Variants in GAB4 observed in about 807,000 individuals in gnomAD.
The protein encoded by GAB4 is GRB2 associated binding protein family member 4.
A neutral mutation model predicts 51.3 loss-of-function variants in GAB4; 26 were observed. The observed-to-expected ratio is 0.51, with a 90% CI of 0.37 to 0.70. The LOEUF (loss-of-function observed/expected upper bound fraction) is 0.70, where lower values mean the gene tolerates loss of function less well. GAB4 is among the 30% of genes least tolerant of loss of function. The pLI, the probability that GAB4 is intolerant of heterozygous loss-of-function variation, is 0.00. For synonymous variants in GAB4, 329 were observed against 291.2 expected (o/e 1.13, Z -1.32); for missense variants, 759 against 734.6 (o/e 1.03, Z -0.38).
chr22:16,995,536 G>A (rs1267541475), intron 1 of GAB4, among the ~76,000 whole-genome samples: 1 of 152,200 alleles, frequency 6.6e-6, no homozygotes, highest in Non-Finnish European at 1.5e-5. Context: ...CCCAGCAGGG[G>A]TTGACAGACA....
At chr22:17,006,538 T>C (rs1222490934) in intron 1 of GAB4, among the ~76,000 whole-genome samples, 2 of 152,228 alleles carry the variant, frequency 1.3e-5, no homozygotes, top group East Asian at 1.9e-4. Flanking sequence ...ATCATTCTAC[T>C]ATAAAGACAA....
At position 16,970,279 on chromosome 22, in the gene GAB4, A is replaced by G. The variant is rs539742914; in HGVS notation, c.687-86T>C. ...GGCAGGCGGGGAAGTTCACAGCCCA[A>G]TGTAGTGAGATGATATGGAGAAAAC... On this transcript the variant is annotated intron_variant, in intron 3 of 9. Coordinates refer to ENST00000400588, the MANE Select transcript of GAB4 (RefSeq NM_001037814.1). 2.1e-5 allele frequency: 30 copies of G among 1,412,850 alleles called. 1 individual carries two copies. In the South Asian group the frequency reaches 2.1e-4, roughly 10 times the overall value. 87.5% of individuals were successfully genotyped at this position (1,412,850 alleles called of 1,614,324 possible).
intron 1 of GAB4, 93 bp downstream of exon 1, chr22:17,007,848 C>G: frequency 1.6e-6 from 2 of 1,231,760 alleles, no homozygotes; most frequent in East Asian, 2.6e-5. Context: ...CCCGCAGCTC[C>G]TCCCGTGGAC....
chr22:16,973,696 C>T (rs2060753059), intron 3 of GAB4, among the ~76,000 whole-genome samples: 1 of 152,210 alleles, frequency 6.6e-6, no homozygotes, highest in African/African-American at 2.4e-5. Context: ...TTCTCTGTGC[C>T]CCCATAGCAC....
chr22:16,981,691 T>G (rs1405774052), intron 3 of GAB4, among the ~76,000 whole-genome samples: 5 of 152,136 alleles, frequency 3.3e-5, no homozygotes, highest in Non-Finnish European at 7.4e-5. Context: ...ACCAAACATA[T>G]GAAGAACTAA....
At chr22:16,970,574 G>A (rs994533191) in intron 3 of GAB4, among the ~76,000 whole-genome samples, 2 of 152,110 alleles carry the variant, frequency 1.3e-5, no homozygotes, top group African/African-American at 4.8e-5. Flanking sequence ...CAGGTACACT[G>A]GCTACTGGTT....
chr22:16,971,659 T>C (rs1026337360), intron 3 of GAB4, among the ~76,000 whole-genome samples: 2 of 152,206 alleles, frequency 1.3e-5, no homozygotes, highest in African/African-American at 4.8e-5. Flanking sequence ...GAATGAGGCA[T>C]GTCTCACACA....
chr22:16,996,812 T>TC (rs1445029754), intron 1 of GAB4, among the ~76,000 whole-genome samples: 4 of 70,276 alleles, frequency 5.7e-5, no homozygotes, highest in Non-Finnish European at 1.0e-4. Flanking sequence ...CCCTCCCCCC[T>TC]CCCTCCACCC....
chr22:16,962,653 C>G lies in GAB4; in HGVS notation c.*80G>C, dbSNP rs2060638468. 14 of 1,334,156 alleles carry G rather than the reference C, an allele frequency of 1.0e-5. No individual in the cohort carries two copies. The highest frequency in any genetic ancestry group is 1.4e-5 in the Non-Finnish European group (14 of 973,630). The allele number at this position is 1,334,156 out of a possible 1,614,324, so 82.6% of individuals were successfully genotyped here. ...GCTCTCTATGTAAGGGATGCGGTCCCTGATATTACAGAGCTTTAGAGTGTG... is the reference window on the plus strand; with the variant it reads ...GCTCTCTATGTAAGGGATGCGGTCCGTGATATTACAGAGCTTTAGAGTGTG... On this transcript the variant is annotated 3_prime_UTR_variant, in exon 10 of 10. Transcript: ENST00000400588.
intron 1 of GAB4, among the ~76,000 whole-genome samples, chr22:17,006,303 G>A (rs182378495): frequency 2.0e-5 from 3 of 150,358 alleles, no homozygotes; most frequent in Admixed American, 1.3e-4. Context: ...GAAATGCAAC[G>A]AGATACCATC....
At chr22:16,983,776 A>C (rs910427006) in intron 3 of GAB4, among the ~76,000 whole-genome samples, 1 of 152,200 alleles carries the variant, frequency 6.6e-6, no homozygotes, top group African/African-American at 2.4e-5. Context: ...CTAGAGCCCT[A>C]TCTCTCACCC....
chr22:16,970,857 T>C (rs1194880911), intron 3 of GAB4, among the ~76,000 whole-genome samples: 1 of 152,064 alleles, frequency 6.6e-6, no homozygotes, highest in Non-Finnish European at 1.5e-5. Flanking sequence ...AACCTAAACA[T>C]CTATAGAAAA....
chr22:17,006,350 G>GA (rs757198604), intron 1 of GAB4, among the ~76,000 whole-genome samples: 6 of 152,118 alleles, frequency 3.9e-5, no homozygotes, highest in Non-Finnish European at 8.8e-5. Context: ...AAAAAGTCAG[G>GA]AAACAACAGA....
intron 3 of GAB4, among the ~76,000 whole-genome samples, chr22:16,976,925 T>C (rs980820577): frequency 6.6e-6 from 1 of 152,206 alleles, no homozygotes; most frequent in Admixed American, 6.5e-5. Context: ...AAACAAAGCT[T>C]CGTAAGTGAA....
At chr22:16,968,186 C>G (rs5748768) in intron 5 of GAB4, 112 bp downstream of exon 5, 583,912 of 760,102 alleles carry the variant, frequency 0.77, 226,157 homozygotes, top group African/African-American at 0.95. Context: ...ACCTAGGCAG[C>G]CTCCTAGGAG....
intron 3 of GAB4, among the ~76,000 whole-genome samples, chr22:16,975,523 G>A (rs1488196372): frequency 6.6e-6 from 1 of 152,234 alleles, no homozygotes; most frequent in African/African-American, 2.4e-5. Context: ...GGGGTTTATA[G>A]ATAAAACCCC....
chr22:17,004,044 C>T (rs2061019392), intron 1 of GAB4, among the ~76,000 whole-genome samples: 1 of 152,158 alleles, frequency 6.6e-6, no homozygotes, highest in African/African-American at 2.4e-5. Context: ...ACTATAAACA[C>T]CTCTATGCAA....
intron 1 of GAB4, among the ~76,000 whole-genome samples, chr22:16,998,471 CTTGTGATTT>C (rs1211741835): frequency 6.6e-6 from 1 of 152,164 alleles, no homozygotes; most frequent in Non-Finnish European, 1.5e-5. Context: ...TAGAGGAATG[CTTGTGATTT>C]TTGCACATTG....
intron 5 of GAB4, chr22:16,967,381 T>G (rs1368979814): frequency 1.3e-5 from 2 of 152,656 alleles, no homozygotes; most frequent in Admixed American, 6.5e-5. Context: ...CATGCAGATG[T>G]GGCCTCGAGA....
Sources: gnomAD v4.1 joint callset for allele counts (sites outside exome capture counted in the v4.1 genomes callset) on GRCh38, gnomAD v4.1.1 for gene constraint, MANE v1.5 for transcripts, NCBI Gene and HGNC (gene_info 2026-07-23, HGNC 2026-07-21) for gene names.